NTN1: variants seen among roughly 807,000 people sequenced by gnomAD.
NTN1 encodes netrin-1.
NTN1 carries 11 observed loss-of-function variants against 54.2 expected under a neutral mutation model. The ratio of observed to expected loss-of-function variants is 0.20; its 90% CI spans 0.13 to 0.34. NTN1 has a LOEUF of 0.34. Ranked by LOEUF, NTN1 falls within the 10% of genes least tolerant of loss-of-function variation. The probability of loss-of-function intolerance (pLI) is 1.00; values close to 1 mark genes in which losing one functional copy is unlikely to be tolerated. For missense variants in NTN1, 740 were observed against 893.1 expected, an observed-to-expected ratio of 0.83 and a Z score of 2.18; for synonymous variants, 371 against 382.0, an observed-to-expected ratio of 0.97 and a Z score of 0.33.
chr17:9,187,681 A>G (rs1489930889), intron 5 of NTN1, among the ~76,000 whole-genome samples: 1 of 138,930 alleles, frequency 7.2e-6, no homozygotes, highest in East Asian at 2.1e-4. Flanking sequence ...AAAAAAAAAC[A>G]TTAGCCAGGC....
chr17:9,111,724 ATAAAG>A (rs1249309214), intron 2 of NTN1, among the ~76,000 whole-genome samples: 22 of 152,220 alleles, frequency 1.4e-4, no homozygotes, highest in African/African-American at 5.3e-4. Context: ...TATTCTTACA[ATAAAG>A]TAAACTAGAG....
chr17:9,173,049 G>A (rs569991742), intron 3 of NTN1, among the ~76,000 whole-genome samples: 7 of 152,102 alleles, frequency 4.6e-5, no homozygotes, highest in African/African-American at 1.4e-4. Context: ...CTGACACTGC[G>A]TCTTTGGGCC....
chr17:9,064,959 T>C (rs8065801), intron 2 of NTN1, among the ~76,000 whole-genome samples: 25,908 of 151,972 alleles, frequency 0.17, 2,512 homozygotes, highest in African/African-American at 0.23. Flanking sequence ...TTTATTGAGA[T>C]GGCGCCTCTC....
chr17:9,010,726 A>G, the NTN1 span, among the ~76,000 whole-genome samples: 1 of 152,176 alleles, frequency 6.6e-6, no homozygotes, highest in Non-Finnish European at 1.5e-5. Context: ...TGAAATTGGT[A>G]TCAATGGGTT....
intron 2 of NTN1, 21 bp from the exon 3 acceptor site, chr17:9,162,790 CCT>C: frequency 6.3e-7 from 1 of 1,590,420 alleles, no homozygotes; most frequent in Non-Finnish European, 8.6e-7. Flanking sequence ...GCGGCTGACA[CCT>C]CTCTCTGTCT....
chr17:9,131,581 CTTTT>C (rs11361363), intron 2 of NTN1, among the ~76,000 whole-genome samples: 1 of 134,058 alleles, frequency 7.5e-6, no homozygotes, highest in Admixed American at 7.6e-5. Flanking sequence ...TCCCTTGATG[CTTTT>C]TTTTTTTTTT....
At chr17:9,035,332 G>A (rs542265741) in intron 2 of NTN1, among the ~76,000 whole-genome samples, 4 of 152,300 alleles carry the variant, frequency 2.6e-5, no homozygotes, top group South Asian at 4.1e-4. Flanking sequence ...CTTCATCCAT[G>A]TATAGTAGTA....
chr17:9,081,298 G>GT (rs2092070300), intron 2 of NTN1, among the ~76,000 whole-genome samples: 1 of 152,142 alleles, frequency 6.6e-6, no homozygotes, highest in Non-Finnish European at 1.5e-5. Context: ...AGGAGAAGCT[G>GT]TTTTTTGTAC....
At chr17:9,114,160 A>ATATATATATATATATAT (rs1310655092) in intron 2 of NTN1, among the ~76,000 whole-genome samples, 29 of 94,348 alleles carry the variant, frequency 3.1e-4, no homozygotes, top group Non-Finnish European at 5.2e-4. Context: ...AAAGAAAAAA[A>ATATATATATATATATAT]AAAAAAATAT....
intron 2 of NTN1, among the ~76,000 whole-genome samples, chr17:9,028,496 G>C (rs929911611): frequency 6.6e-6 from 1 of 152,168 alleles, no homozygotes; most frequent in Non-Finnish European, 1.5e-5. Context: ...TCCAGGCTCT[G>C]CCGTGCTCTC....
chr17:9,228,084 C>A (rs1160616431), intron 6 of NTN1, among the ~76,000 whole-genome samples: 1 of 152,124 alleles, frequency 6.6e-6, no homozygotes, highest in Admixed American at 6.6e-5. Flanking sequence ...AGTCCTGACC[C>A]TCAGAGAGCT....
chr17:9,062,781 C>T (rs1468826210), intron 2 of NTN1, among the ~76,000 whole-genome samples: 1 of 152,154 alleles, frequency 6.6e-6, no homozygotes, highest in African/African-American at 2.4e-5. Flanking sequence ...CTTCATGTAT[C>T]GTGTGATGGG....
At position 9,164,347 on chromosome 17, in the gene NTN1, C is replaced by T. The variant is rs1430643624; in HGVS notation, c.1207+1346C>T. ...GGCTGAGGCAGGAGAATAGCTTGAG[C>T]CTGGGAGGCGGAGGTTGCAGTGAGC... On this transcript the variant is annotated intron_variant, in intron 3 of 6. Transcript: ENST00000173229. 2.6e-5 allele frequency among the ~76,000 whole-genome samples: 4 copies of T among 151,864 alleles called. No individual in the cohort carries two copies. In the East Asian group the frequency reaches 5.8e-4, roughly 22 times the overall value.
intron 5 of NTN1, among the ~76,000 whole-genome samples, chr17:9,194,200 C>A (rs923457297): frequency 6.6e-6 from 1 of 151,504 alleles, no homozygotes; most frequent in Non-Finnish European, 1.5e-5. Flanking sequence ...TGTGCCACTG[C>A]ACTCCAGCCT....
intron 3 of NTN1, among the ~76,000 whole-genome samples, chr17:9,170,290 G>A (rs562979630): frequency 2.0e-5 from 3 of 152,294 alleles, no homozygotes; most frequent in South Asian, 2.1e-4. Flanking sequence ...TGTAGCATGC[G>A]TTCCATGTAT....
intron 5 of NTN1, chr17:9,183,327 C>T (rs1346297312): frequency 3.7e-6 from 2 of 539,140 alleles, no homozygotes; most frequent in African/African-American, 3.8e-5. Context: ...GAGCCAGATG[C>T]TGGGGATACA....
At chr17:9,070,374 G>A (rs940177824) in intron 2 of NTN1, among the ~76,000 whole-genome samples, 6 of 152,136 alleles carry the variant, frequency 3.9e-5, no homozygotes, top group African/African-American at 1.4e-4. Flanking sequence ...TTTCTCCCGA[G>A]AAAGGAAATT....
intron 2 of NTN1, among the ~76,000 whole-genome samples, chr17:9,148,400 T>C (rs2092319423): frequency 6.6e-6 from 1 of 152,114 alleles, no homozygotes; most frequent in South Asian, 2.1e-4. Flanking sequence ...TAACCTCTTC[T>C]GGGACTTGTG....
chr17:9,082,534 A>C (rs562991656), intron 2 of NTN1, among the ~76,000 whole-genome samples: 1 of 152,296 alleles, frequency 6.6e-6, no homozygotes, highest in African/African-American at 2.4e-5. Context: ...GGCTGAGAAC[A>C]TACACAACTG....
Sources: allele counts gnomAD v4.1 joint callset (sites outside exome capture counted in the v4.1 genomes callset), GRCh38; gene constraint gnomAD v4.1.1; transcripts MANE v1.5; gene names NCBI Gene and HGNC (gene_info 2026-07-23, HGNC 2026-07-21).